The following ITGA2B variants were observed in gnomAD, a reference collection of about 807,000 sequenced individuals.
ITGA2B encodes the protein integrin alpha-IIb.
In ITGA2B, 91 loss-of-function variants were observed where a neutral mutation model predicts 142.0. The observed-to-expected ratio is 0.64, with a 90% confidence interval of 0.54 to 0.76. ITGA2B has a LOEUF of 0.76. Among genes scored for constraint, ITGA2B ranks in the 30% least tolerant of loss-of-function variants. The pLI is 0.00. For missense variants in ITGA2B, 1,231 were observed against 1,350.8 expected, an observed-to-expected ratio of 0.91 and a Z score of 1.39; for synonymous variants, 536 against 567.2, an observed-to-expected ratio of 0.94 and a Z score of 0.78.
At chr17:44,383,734 C>CT (rs769478533) in intron 11 of ITGA2B, 30 bp from the exon 12 acceptor site, 2 of 1,557,928 alleles carry the variant, frequency 1.3e-6, no homozygotes, top group African/African-American at 2.7e-5. Flanking sequence ...TTACATGGGA[C>CT]TGGACCAGGG....
In ITGA2B at chr17:44,372,438, G is replaced by A; in HGVS notation, c.3061-15C>T. 6.2e-7 allele frequency: 1 copy of A among 1,613,576 alleles called. No individual in the cohort carries two copies. The highest frequency in any genetic ancestry group is 1.1e-5 in the South Asian group (1 of 91,054). On this transcript the variant is annotated splice_polypyrimidine_tract_variant and intron_variant, in intron 29 of 29. Transcript: ENST00000262407. ...AAGAAGCCGACCTGGGGGTACACGGGGGCCAAGGTCAGGGTATACAGATGA... is the reference window on the plus strand; with the variant it reads ...AAGAAGCCGACCTGGGGGTACACGGAGGCCAAGGTCAGGGTATACAGATGA...
chr17:44,372,786 G>A (rs957893403), intron 29 of ITGA2B, among the ~76,000 whole-genome samples: 2 of 151,534 alleles, frequency 1.3e-5, no homozygotes, highest in African/African-American at 2.4e-5. Context: ...GTGCCACCAC[G>A]CCCAGCTAAT....
At chr17:44,375,476 G>T in intron 26 of ITGA2B, 115 bp downstream of exon 26, 1 of 1,304,482 alleles carries the variant, frequency 7.7e-7, no homozygotes, top group South Asian at 1.4e-5. Flanking sequence ...TGCTCCCAGG[G>T]ACCAAGCGTG....
rs374469971 is a variant in ITGA2B at position 44,384,933 on chromosome 17, G to A, written c.799+15C>T. On this transcript the variant is annotated intron_variant, in intron 7 of 29. Coordinates refer to ENST00000262407, the MANE Select transcript of ITGA2B (RefSeq NM_000419.5). Reference sequence around the variant, plus strand: ...TGACCCTCGGGGTGCTGGAAGTCTGGAATGGCGGTGTTACCCCAGTAGCCG... The same window carrying A: ...TGACCCTCGGGGTGCTGGAAGTCTGAAATGGCGGTGTTACCCCAGTAGCCG... 723 of 1,614,038 alleles carry A rather than the reference G, an allele frequency of 4.5e-4. 2 individuals carry two copies. Among genetic ancestry groups the A allele is most frequent in the Non-Finnish European group, 5.4e-4 (641 of 1,180,024 alleles).
intron 29 of ITGA2B, among the ~76,000 whole-genome samples, chr17:44,372,740 T>G (rs570621989): frequency 1.8e-3 from 272 of 152,042 alleles, no homozygotes; most frequent in African/African-American, 6.2e-3. Flanking sequence ...ACAATTCTCA[T>G]GCCTCAGCCT....
At position 44,378,672 on chromosome 17, in the gene ITGA2B, A is replaced by G. The variant is rs1032796532; in HGVS notation, c.1917T>C (p.Cys639=). The change falls in exon 19 of 30, where the codon TGT becomes TGC. Residue 639 remains cysteine (C), a synonymous_variant. Coordinates refer to ENST00000262407, the MANE Select transcript of ITGA2B (RefSeq NM_000419.5). ...TGGCAGTGAGCTGAAGCTGGGGCAC[A>G]CATACGTCATCTTCCCCACAGTCCA... The part of the protein sequence containing the change: ...IVLDCGEDDV[C]VPQLQLTASV... 12 of 1,561,352 alleles carry G rather than the reference A, an allele frequency of 7.7e-6. No individual in the cohort carries two copies. The highest frequency in any genetic ancestry group is 1.4e-5 in the African/African-American group (1 of 73,688).
intron 11 of ITGA2B, 31 bp from the exon 12 acceptor site, chr17:44,383,735 T>A (rs1023006825): frequency 6.4e-7 from 1 of 1,557,800 alleles, no homozygotes; most frequent in African/African-American, 1.4e-5. Flanking sequence ...TACATGGGAC[T>A]GGACCAGGGG....
rs2048578612 is a variant in ITGA2B at position 44,379,867 on chromosome 17, C to T, written c.1753-53G>A. 2.5e-6 allele frequency: 4 copies of T among 1,613,206 alleles called. 1 individual carries two copies. In the South Asian group the frequency reaches 4.4e-5, roughly 18 times the overall value. On this transcript the variant is annotated intron_variant, in intron 17 of 29. Coordinates refer to ENST00000262407, the MANE Select transcript of ITGA2B (RefSeq NM_000419.5). ...CTTGCTACCATACACATCCCACCTT[C>T]TCCTGGCCAGTAGGCACCGTGTCCT...
In ITGA2B at chr17:44,374,355, T is replaced by C; in HGVS notation, c.3059A>G (p.Lys1020Arg). ...LLTILVLAMWKVGFFKRNRPP... is the reference protein window; with the variant it reads ...LLTILVLAMWRVGFFKRNRPP... ...ACTCCACCGTCCTTCACACCTCACC[T>C]TCCACATGGCCAGGACCAGGATGGT... is the stretch of plus-strand genomic sequence containing the variant. The change falls in exon 29 of 30, where the codon AAG (lysine) becomes AGG (arginine). Residue 1020 changes from lysine to arginine, a missense_variant and splice_region_variant. Lys to Arg is a conservative substitution (Grantham distance 26). Coordinates refer to ENST00000262407, the MANE Select transcript of ITGA2B (RefSeq NM_000419.5). 1 of 1,613,752 alleles carries C rather than the reference T, an allele frequency of 6.2e-7. No individual in the cohort carries two copies. Among genetic ancestry groups the C allele is most frequent in the Non-Finnish European group, 8.5e-7 (1 of 1,179,736 alleles).
At chr17:44,382,031 C>T (rs1030033322) in intron 12 of ITGA2B, among the ~76,000 whole-genome samples, 1 of 152,140 alleles carries the variant, frequency 6.6e-6, no homozygotes, top group African/African-American at 2.4e-5. Flanking sequence ...GAGAGGCAGC[C>T]CACTGTTATG....
chr17:44,374,496 C>T (rs1192860718), intron 28 of ITGA2B, 26 bp from the exon 29 acceptor site: 3 of 1,603,002 alleles, frequency 1.9e-6, no homozygotes, highest in Admixed American at 1.7e-5. Context: ...CGTGTCTCCT[C>T]AGTCACCTTG....
chr17:44,388,439 C>T lies in ITGA2B; in HGVS notation c.188+847G>A, dbSNP rs187351721. Among the ~76,000 whole-genome samples, 10 of 149,950 alleles carry T rather than the reference C, an allele frequency of 6.7e-5. No individual in the cohort carries two copies. In the South Asian group the frequency reaches 1.1e-3, roughly 16 times the overall value. On this transcript the variant is annotated intron_variant, in intron 1 of 29. Coordinates refer to ENST00000262407, the MANE Select transcript of ITGA2B (RefSeq NM_000419.5). ...TGGCATGATCTCGGCTCACCACAAC[C>T]TCTGCCTCTCAGGTTCAAACGATTC...
Position 44,388,333 on chromosome 17 carries a change from C to T in ITGA2B, c.188+953G>A, listed in dbSNP as rs182354140. 3.0e-4 allele frequency among the ~76,000 whole-genome samples: 45 copies of T among 150,916 alleles called. No homozygotes were observed. The East Asian group carries it at 6.4e-3, about 21-fold the overall frequency. The stretch of plus-strand genomic sequence containing the variant: ...TGCAAATCAATTTAGGACATGTGCT[C>T]CTCTCCACATTTCCTTTCTTTTTTT... On this transcript the variant is annotated intron_variant, in intron 1 of 29. Transcript: ENST00000262407.
At position 44,384,359 on chromosome 17, in the gene ITGA2B, C is replaced by T; in HGVS notation, c.848-5G>A. ...TGGGGGCACCGACGACATATTCTGGCGATAGGGAGAGCCAGGCTCAGGGAA... is the reference window on the plus strand; with the variant it reads ...TGGGGGCACCGACGACATATTCTGGTGATAGGGAGAGCCAGGCTCAGGGAA... On this transcript the variant is annotated splice_polypyrimidine_tract_variant and splice_region_variant and intron_variant, in intron 8 of 29. Transcript: ENST00000262407. The T allele has an allele frequency of 3.1e-6, 5 of 1,613,724 alleles. No individual in the cohort carries two copies. Among genetic ancestry groups the T allele is most frequent in the Non-Finnish European group, 4.2e-6 (5 of 1,179,932 alleles).
intron 18 of ITGA2B, 35 bp from the exon 19 acceptor site, chr17:44,378,745 G>C: frequency 6.5e-7 from 1 of 1,547,482 alleles, no homozygotes; most frequent in Non-Finnish European, 8.7e-7. Flanking sequence ...GGGTAAGTTG[G>C]GGATGTGTGA....
Position 44,386,101 on chromosome 17 carries a change from G to A in ITGA2B, c.219C>T (p.Thr73=). Residue 73 remains threonine, a synonymous_variant, in exon 2 of 30, where the codon ACC becomes ACT. Transcript: ENST00000262407. ...CCGTCTCCTCCTGGCTGGGGCCCAG[G>A]GTCCGCGGGGCGCCCACCACGATGG... ...RVAIVVGAPR[T]LGPSQEETGG... is the part of the protein sequence containing the mutation. The A allele has an allele frequency of 6.2e-7, 1 of 1,606,286 alleles. No individual in the cohort carries two copies.
rs1598383118 is a variant in ITGA2B at position 44,385,627 on chromosome 17, T to C, written c.498A>G (p.Pro166=). The part of the protein sequence containing the change: ...TPVGSCFLAQ[P]ESGRRAEYSP... ...AGTACTCGGCGCGGCGGCCGCTCTCTGGCTGAGCCAAAAAGCAGCTACCTA... is the reference window on the plus strand; with the variant it reads ...AGTACTCGGCGCGGCGGCCGCTCTCCGGCTGAGCCAAAAAGCAGCTACCTA... The change falls in exon 4 of 30, where the codon CCA becomes CCG. Residue 166 remains proline, a synonymous_variant. Transcript: ENST00000262407. The C allele has an allele frequency of 1.9e-6, 3 of 1,613,278 alleles. No homozygotes were observed. The Admixed American group carries it at 5.0e-5, about 27-fold the overall frequency.
At position 44,377,702 on chromosome 17, in the gene ITGA2B, G is replaced by A. The variant is rs756028263; in HGVS notation, c.2183C>T (p.Ala728Val). The A allele has an allele frequency of 6.2e-6, 10 of 1,612,892 alleles. No homozygotes were observed. The Admixed American group carries it at 6.7e-5, about 11-fold the overall frequency. Reference sequence around the variant, plus strand: ...ACCACGACCCAGCAGCCTCACCTGGGCGTTCTTCTTCATGGGGTTGCCCAG... The same window carrying A: ...ACCACGACCCAGCAGCCTCACCTGGACGTTCTTCTTCATGGGGTTGCCCAG... ...CELGNPMKKN[A>V]QIGIAMLVSV... The change falls in exon 21 of 30, where the codon GCC (alanine) becomes GTC (valine). Residue 728 changes from alanine to valine, a missense_variant. Ala to Val is a moderately conservative substitution (Grantham distance 64). This residue lies in a region of ITGA2B where 908 missense variants were observed against 1,021.1 expected (regional missense o/e 0.89). Transcript: ENST00000262407.
At chr17:44,386,230 G>C in intron 1 of ITGA2B, 99 bp from the exon 2 acceptor site, 2 of 1,516,154 alleles carry the variant, frequency 1.3e-6, no homozygotes, top group Non-Finnish European at 1.8e-6. Context: ...TGTGGCATGG[G>C]GGCACTGGAC....
Sources: gnomAD v4.1 joint callset for allele counts (sites outside exome capture counted in the v4.1 genomes callset) on GRCh38, gnomAD v4.1.1 for gene constraint, gnomAD v4.1.1 regional missense constraint, MANE v1.5 for transcripts, NCBI Gene and HGNC (gene_info 2026-07-23, HGNC 2026-07-21) for gene names.